SLC22A14: variants seen among roughly 807,000 people sequenced by gnomAD.
The protein encoded by SLC22A14 is solute carrier family 22 member 14, also known as organic cation transporter-like 4.
SLC22A14 carries 50 observed loss-of-function variants against 53.9 expected under a neutral mutation model. The ratio of observed to expected loss-of-function variants is 0.93; its 90% CI spans 0.74 to 1.17. The LOEUF (loss-of-function observed/expected upper bound fraction) is 1.17. Ranked by LOEUF, SLC22A14 falls within the 50% of genes most tolerant of loss-of-function variation. The pLI is 0.00. For missense variants in SLC22A14, 671 were observed against 734.7 expected, an observed-to-expected ratio of 0.91 and a Z score of 1.00; for synonymous variants, 312 against 303.0, an observed-to-expected ratio of 1.03 and a Z score of -0.31.
At chr3:38,281,393 A>C (rs1703665926), upstream of SLC22A14, among the ~76,000 whole-genome samples, 1 of 152,206 alleles carries the variant, frequency 6.6e-6, no homozygotes, top group Non-Finnish European at 1.5e-5. Context: ...TTATAAAGAA[A>C]AGAAATTTAT....
At position 38,307,330 on chromosome 3, in the gene SLC22A14, C is replaced by T; in HGVS notation, c.593C>T (p.Ser198Phe). 6.2e-7 allele frequency: 1 copy of T among 1,613,978 alleles called. No homozygotes were observed. The highest frequency in any genetic ancestry group is 1.1e-5 in the South Asian group (1 of 91,084). Residue 198 changes from serine (S) to phenylalanine (F), a missense_variant, in exon 3 of 11, where the codon TCT becomes TTT. Ser to Phe is a radical substitution (Grantham distance 155). Transcript: ENST00000448498. This position sits in a 1 kb window ranked among gnomAD's most constrained non-coding sequence, Gnocchi z 4.4. Reference sequence around the variant, plus strand: ...TTCATGGCAGGGCTCCCGATAGGCTCTCTCATCTTCAGGCTCATAACTGAC... The same window carrying T: ...TTCATGGCAGGGCTCCCGATAGGCTTTCTCATCTTCAGGCTCATAACTGAC... ...IMFMAGLPIG[S>F]LIFRLITDKM...
upstream of SLC22A14, among the ~76,000 whole-genome samples, chr3:38,280,946 T>C (rs1044903496): frequency 2.4e-4 from 37 of 152,230 alleles, no homozygotes; most frequent in African/African-American, 8.0e-4. Context: ...TGGGATCTTA[T>C]GTAACCAAAA....
chr3:38,317,228 C>T (rs1011073355), intron 10 of SLC22A14, among the ~76,000 whole-genome samples: 2 of 152,228 alleles, frequency 1.3e-5, no homozygotes, highest in African/African-American at 4.8e-5. Flanking sequence ...CTGCCTCTGG[C>T]CTTTCTCTGC....
intron 1 of SLC22A14, among the ~76,000 whole-genome samples, chr3:38,292,134 C>G (rs984431053): frequency 6.6e-6 from 1 of 152,262 alleles, no homozygotes; most frequent in South Asian, 2.1e-4. Context: ...GGTTTCTGAA[C>G]GGGTGGCTAA....
rs750926130 is a variant in SLC22A14 at position 38,307,595 on chromosome 3, C to G, written c.650C>G (p.Ser217Ter). The G allele has an allele frequency of 1.5e-5, 25 of 1,614,198 alleles. No homozygotes were observed. In the East Asian group the frequency reaches 5.6e-4, roughly 36 times the overall value. Residue 217 changes from serine (S) to a stop codon, truncating the protein, a stop_gained, in exon 4 of 11, where the codon TCA (serine) becomes TGA (stop). Coordinates refer to ENST00000448498, the MANE Select transcript of SLC22A14 (RefSeq NM_001320033.2). LOFTEE classifies it high-confidence loss of function. The surrounding 1 kb of genome is among the most constrained non-coding windows in gnomAD (Gnocchi z 4.4). ...GGCCGCTACCCTGCCATCCTGCTGTCACTGCTGGGGCTGATCATCTTCGGC... is the reference window on the plus strand; with the variant it reads ...GGCCGCTACCCTGCCATCCTGCTGTGACTGCTGGGGCTGATCATCTTCGGC... ...KMGRYPAILL[S>*]LLGLIIFGFG...
In SLC22A14 at chr3:38,309,044, T is replaced by A. The variant is rs918228591; in HGVS notation, c.866T>A (p.Ile289Asn). Reference sequence around the variant, plus strand: ...GTTGGGGCCGTGTTGCTGACAGGGATCGCCTACAGTCTTCCCCACTGGCAG... The same window carrying A: ...GTTGGGGCCGTGTTGCTGACAGGGAACGCCTACAGTCTTCCCCACTGGCAG... ...FAVGAVLLTG[I>N]AYSLPHWQLL... is the part of the protein sequence containing the mutation. The change falls in exon 5 of 11, where the codon ATC (isoleucine) becomes AAC (asparagine). Residue 289 changes from isoleucine to asparagine, a missense_variant. Physicochemically the swap from Ile to Asn is moderately radical, Grantham distance 149. Transcript: ENST00000448498. The A allele has an allele frequency of 1.2e-6, 2 of 1,613,950 alleles. No homozygotes were observed. The highest frequency in any genetic ancestry group is 1.7e-6 in the Non-Finnish European group (2 of 1,179,910).
chr3:38,305,634 ATCT>A, intron 1 of SLC22A14: 2 of 173,026 alleles, frequency 1.2e-5, no homozygotes, highest in South Asian at 1.5e-4. Context: ...GACGATGCAG[ATCT>A]TTGTTTGTTT....
rs1412470545 is a variant in SLC22A14, at chr3:38,307,771, G to T, written c.775+51G>T. On this transcript the variant is annotated intron_variant, in intron 4 of 10. Transcript: ENST00000448498. The surrounding 1 kb of genome is among the most constrained non-coding windows in gnomAD (Gnocchi z 4.4). ...GGCAGGGTGGCACAGGGGCATGGCG[G>T]CATAGGCGGGTGACAAGGGGACATA... 6.3e-7 allele frequency: 1 copy of T among 1,595,436 alleles called. No individual in the cohort carries two copies. The highest frequency in any genetic ancestry group is 8.6e-7 in the Non-Finnish European group (1 of 1,167,200).
At chr3:38,287,667 C>G (rs1282253496) in intron 1 of SLC22A14, among the ~76,000 whole-genome samples, 1 of 152,096 alleles carries the variant, frequency 6.6e-6, no homozygotes, top group Middle Eastern at 3.2e-3. Flanking sequence ...TCTTATTATT[C>G]TTCAGAATTT....
chr3:38,311,568 A>G lies in SLC22A14; in HGVS notation c.945-1431A>G, dbSNP rs181476035. Among the ~76,000 whole-genome samples the G allele has an allele frequency of 5.9e-5, 9 of 152,292 alleles. No homozygotes were observed. The East Asian group carries it at 9.6e-4, about 16-fold the overall frequency. ...TGTTTCTCTCTTCTCACATTTTACT[A>G]TAAGTAGTCAAGAGAAGCCATACCA... On this transcript the variant is annotated intron_variant, in intron 5 of 10. Coordinates refer to ENST00000448498, the MANE Select transcript of SLC22A14 (RefSeq NM_001320033.2).
chr3:38,313,571 C>T lies in SLC22A14; in HGVS notation c.1163+86C>T, dbSNP rs1235375873. 2.8e-6 allele frequency: 3 copies of T among 1,078,606 alleles called. No homozygotes were observed. In the East Asian group the frequency reaches 7.2e-5, roughly 26 times the overall value. The allele number at this position is 1,078,606 out of a possible 1,614,324, so 66.8% of individuals were successfully genotyped here. On this transcript the variant is annotated intron_variant, in intron 7 of 10. Coordinates refer to ENST00000448498, the MANE Select transcript of SLC22A14 (RefSeq NM_001320033.2). Reference sequence around the variant, plus strand: ...GGAGAGGATGGGAATGGTCAGGCTGCAGGGGAGGCAGCCCAAGGACACAGA... The same window carrying T: ...GGAGAGGATGGGAATGGTCAGGCTGTAGGGGAGGCAGCCCAAGGACACAGA...
Position 38,313,216 on chromosome 3 carries a change from T to C in SLC22A14, c.1065+97T>C, listed in dbSNP as rs2125891326. ...TCAGGTGGGACATTGGTCCAGAGGGTGCCCCCAGTCCACTGCTTAAGGACA... is the reference window on the plus strand; with the variant it reads ...TCAGGTGGGACATTGGTCCAGAGGGCGCCCCCAGTCCACTGCTTAAGGACA... On this transcript the variant is annotated intron_variant, in intron 6 of 10. Coordinates refer to ENST00000448498, the MANE Select transcript of SLC22A14 (RefSeq NM_001320033.2). The C allele has an allele frequency of 2.0e-6, 3 of 1,534,874 alleles. 1 individual carries two copies. The highest frequency in any genetic ancestry group is 4.4e-4 in the Middle Eastern group (2 of 4,522).
chr3:38,279,060 T>C (rs1362748844), upstream of SLC22A14, among the ~76,000 whole-genome samples: 1 of 152,080 alleles, frequency 6.6e-6, no homozygotes, highest in Non-Finnish European at 1.5e-5. Flanking sequence ...TTGCTCACCT[T>C]CTCCTGCATG....
intron 1 of SLC22A14, among the ~76,000 whole-genome samples, chr3:38,289,591 G>A (rs891446151): frequency 6.6e-6 from 1 of 152,184 alleles, no homozygotes; most frequent in Non-Finnish European, 1.5e-5. Flanking sequence ...TGTGGGTCAC[G>A]GAAGAGAACC....
Position 38,318,337 on chromosome 3 carries a change from TAA to T in SLC22A14, c.*90_*91del. 3.1e-6 allele frequency: 4 copies of T among 1,298,750 alleles called. No homozygotes were observed. Among genetic ancestry groups the T allele is most frequent in the Non-Finnish European group, 4.5e-6 (4 of 894,404 alleles). The allele number at this position is 1,298,750 out of a possible 1,614,324, so 80.5% of individuals were successfully genotyped here. A position where few individuals can be genotyped will look rare whatever the true frequency, so the allele number is the denominator to read the frequency against. ...CCAACCCTGCCTTGAAGCAATTCAATAAAGAGGAAGCAAACAGCCAGGCTCCC... is the reference window on the plus strand; with the variant it reads ...CCAACCCTGCCTTGAAGCAATTCAATAGAGGAAGCAAACAGCCAGGCTCCC... On this transcript the variant is annotated 3_prime_UTR_variant, in exon 11 of 11. Transcript: ENST00000448498.
chr3:38,297,657 A>G (rs1704070430), intron 1 of SLC22A14, among the ~76,000 whole-genome samples: 1 of 152,086 alleles, frequency 6.6e-6, no homozygotes, highest in South Asian at 2.1e-4. Context: ...GATTATATTA[A>G]GGCATATATT....
At chr3:38,280,631 C>CTTTT (rs35898444), upstream of SLC22A14, among the ~76,000 whole-genome samples, 2 of 143,374 alleles carry the variant, frequency 1.4e-5, no homozygotes, top group African/African-American at 5.1e-5. Flanking sequence ...GTTCTGGGAT[C>CTTTT]TTTTTTTTTT....
chr3:38,318,381 AG>A lies in SLC22A14; in HGVS notation c.*133del. 2.4e-6 allele frequency: 2 copies of A among 845,294 alleles called. No homozygotes were observed. Among genetic ancestry groups the A allele is most frequent in the South Asian group, 3.0e-5 (2 of 67,456 alleles). The allele number at this position is 845,294 out of a possible 1,614,324, so 52.4% of individuals were successfully genotyped here. A position where few individuals can be genotyped will look rare whatever the true frequency, so the allele number is the denominator to read the frequency against. On this transcript the variant is annotated 3_prime_UTR_variant, in exon 11 of 11. Coordinates refer to ENST00000448498, the MANE Select transcript of SLC22A14 (RefSeq NM_001320033.2). Reference sequence around the variant, plus strand: ...CAGGCTCCCTGAGGGCCAGGCCCCCAGACCATCTTGGGTTGGAATTGAGTGG... The same window carrying A: ...CAGGCTCCCTGAGGGCCAGGCCCCCAACCATCTTGGGTTGGAATTGAGTGG...
intron 1 of SLC22A14, among the ~76,000 whole-genome samples, chr3:38,300,578 G>A (rs1704138223): frequency 6.6e-6 from 1 of 152,192 alleles, no homozygotes; most frequent in African/African-American, 2.4e-5. Flanking sequence ...CCCAATGAAA[G>A]TACATGGGAA....
Sources: allele counts gnomAD v4.1 joint callset (sites outside exome capture counted in the v4.1 genomes callset), GRCh38; gene constraint gnomAD v4.1.1; non-coding constraint Gnocchi (gnomAD v3.1); transcripts MANE v1.5; gene names NCBI Gene and HGNC (gene_info 2026-07-23, HGNC 2026-07-21).